The following GRIP1 variants were observed in gnomAD, a reference collection of about 807,000 sequenced individuals.
The protein encoded by GRIP1 is glutamate receptor interacting protein 1.
Under a neutral mutation model 129.9 loss-of-function variants are expected in GRIP1, and 45 were observed. That is an observed-to-expected ratio of 0.35 (90% CI 0.27 to 0.44). The LOEUF (loss-of-function observed/expected upper bound fraction) is 0.44. Ranked by LOEUF, GRIP1 falls within the 20% of genes least tolerant of loss-of-function variation. The pLI is 1.00. For missense variants in GRIP1, 1,196 were observed against 1,396.8 expected, an observed-to-expected ratio of 0.86 and a Z score of 2.29; for synonymous variants, 530 against 520.8, an observed-to-expected ratio of 1.02 and a Z score of -0.24.
intron 1 of GRIP1, among the ~76,000 whole-genome samples, chr12:66,719,484 G>A (rs1426221262): frequency 6.6e-6 from 1 of 152,090 alleles, no homozygotes; most frequent in Non-Finnish European, 1.5e-5. Flanking sequence ...TGACTAATAG[G>A]AACTTATTGT....
At chr12:67,069,235 G>C (rs1371299341), upstream of GRIP1, 1 of 373,380 alleles carries the variant, frequency 2.7e-6, no homozygotes. Context: ...GGGCTGGGGC[G>C]CCGAGGCGGC....
chr12:67,026,354 T>G (rs1000100075), intron 1 of GRIP1, among the ~76,000 whole-genome samples: 1 of 151,202 alleles, frequency 6.6e-6, no homozygotes, highest in African/African-American at 2.5e-5. Flanking sequence ...TTGGGAAAAT[T>G]TTTTCTCAAG....
rs767111709 is a variant in GRIP1 at position 66,860,964 on chromosome 12, T to C, written c.58+208086A>G. On this transcript the variant is annotated intron_variant, in intron 1 of 1. Transcript: ENST00000643019. The stretch of plus-strand genomic sequence containing the variant: ...AAGGCCATTACACTATGCTCAACCA[T>C]GTCCCTTCCTCAACACACAAAAAAG... Among the ~76,000 whole-genome samples the C allele has an allele frequency of 5.3e-5, 8 of 152,184 alleles. No individual in the cohort carries two copies. In the East Asian group the frequency reaches 7.8e-4, roughly 15 times the overall value.
intron 1 of GRIP1, among the ~76,000 whole-genome samples, chr12:66,729,614 C>A (rs899116840): frequency 6.6e-6 from 1 of 152,072 alleles, no homozygotes; most frequent in African/African-American, 2.4e-5. Flanking sequence ...TGCTCTGTTG[C>A]CCAGGCTGGA....
Position 66,348,960 on chromosome 12 carries a change from T to TA in GRIP1, c.*58dup. On this transcript the variant is annotated 3_prime_UTR_variant, in exon 25 of 25. Transcript: ENST00000359742. ...TGTGCTTCAAAGGTCACAGAAATCTTAAAGGATTTTTAGCACCATGTAGAT... is the reference window on the plus strand; with the variant it reads ...TGTGCTTCAAAGGTCACAGAAATCTTAAAAGGATTTTTAGCACCATGTAGAT... 8.2e-7 allele frequency: 1 copy of TA among 1,213,280 alleles called. No homozygotes were observed. Among genetic ancestry groups the TA allele is most frequent in the Non-Finnish European group, 1.2e-6 (1 of 813,646 alleles). 75.2% of individuals were successfully genotyped at this position (1,213,280 alleles called of 1,614,324 possible).
intron 7 of GRIP1, among the ~76,000 whole-genome samples, chr12:66,480,128 T>G (rs1427151446): frequency 2.6e-5 from 4 of 152,124 alleles, no homozygotes; most frequent in African/African-American, 9.7e-5. Context: ...GAAGTCAAAT[T>G]GTGTCTGTTT....
chr12:66,513,031 T>C (rs955269371), intron 7 of GRIP1, among the ~76,000 whole-genome samples: 7 of 152,150 alleles, frequency 4.6e-5, no homozygotes, highest in African/African-American at 1.4e-4. Context: ...TTGGGTGTAA[T>C]ATGAAGTAGG....
chr12:66,531,680 CAG>C (rs2061467526), intron 4 of GRIP1, among the ~76,000 whole-genome samples: 1 of 152,016 alleles, frequency 6.6e-6, no homozygotes, highest in South Asian at 2.1e-4. Flanking sequence ...TACTCACAAA[CAG>C]ATGAAAGTGT....
intron 1 of GRIP1, among the ~76,000 whole-genome samples, chr12:66,979,647 T>C (rs914526520): frequency 6.6e-6 from 1 of 152,214 alleles, no homozygotes; most frequent in Non-Finnish European, 1.5e-5. Flanking sequence ...ATGATGTGAA[T>C]GTGACTTTAT....
At chr12:66,488,146 A>G (rs1401553509) in intron 7 of GRIP1, among the ~76,000 whole-genome samples, 1 of 152,222 alleles carries the variant, frequency 6.6e-6, no homozygotes, top group African/African-American at 2.4e-5. Flanking sequence ...ATATCTACAG[A>G]ACTCTTCACA....
chr12:67,020,329 AC>A (rs1176535473), intron 1 of GRIP1, among the ~76,000 whole-genome samples: 2 of 152,320 alleles, frequency 1.3e-5, no homozygotes, highest in African/African-American at 4.8e-5. Flanking sequence ...ATGTCTAAAA[AC>A]ATTTAAATGT....
intron 1 of GRIP1, among the ~76,000 whole-genome samples, chr12:67,062,269 G>C (rs2043549047): frequency 6.6e-6 from 1 of 152,106 alleles, no homozygotes; most frequent in Non-Finnish European, 1.5e-5. Context: ...CTCCCATCCA[G>C]CTCCATTCCT....
intron 7 of GRIP1, among the ~76,000 whole-genome samples, chr12:66,468,630 A>G (rs9989032): frequency 0.64 from 96,898 of 151,720 alleles, 31,383 homozygotes; most frequent in Middle Eastern, 0.78. Flanking sequence ...AGTTTTTAAA[A>G]AGGTCATCAG....
At chr12:66,400,936 T>A (rs1410171026) in intron 16 of GRIP1, among the ~76,000 whole-genome samples, 2 of 4,598 alleles carry the variant, frequency 4.3e-4, no homozygotes, top group East Asian at 0.17. Flanking sequence ...AACAATAGAT[T>A]TTTTTCAAGA....
intron 7 of GRIP1, among the ~76,000 whole-genome samples, chr12:66,479,159 G>A (rs2059722431): frequency 6.6e-6 from 1 of 150,418 alleles, no homozygotes; most frequent in South Asian, 2.1e-4. Context: ...TAACAAAATA[G>A]ATAGACCACT....
intron 1 of GRIP1, among the ~76,000 whole-genome samples, chr12:66,828,402 C>A (rs1034455025): frequency 1.3e-5 from 2 of 152,150 alleles, no homozygotes; most frequent in Non-Finnish European, 2.9e-5. Flanking sequence ...TACCCTACTG[C>A]CATACAGTAC....
intron 2 of GRIP1, among the ~76,000 whole-genome samples, chr12:66,592,658 C>T (rs1261950447): frequency 1.3e-5 from 2 of 152,164 alleles, no homozygotes; most frequent in Non-Finnish European, 2.9e-5. Context: ...TATACTAACT[C>T]TAGGCTTTGA....
chr12:66,779,597 A>G (rs145278511), intron 1 of GRIP1, among the ~76,000 whole-genome samples: 1 of 152,368 alleles, frequency 6.6e-6, no homozygotes, highest in Non-Finnish European at 1.5e-5. Flanking sequence ...TCATAATGAT[A>G]GTTATCATAC....
intron 1 of GRIP1, among the ~76,000 whole-genome samples, chr12:67,036,608 G>A (rs530197758): frequency 6.6e-6 from 1 of 152,208 alleles, no homozygotes. Flanking sequence ...TGGGATTACA[G>A]GCGTGAGCCA....
Sources: gnomAD v4.1 joint callset for allele counts (sites outside exome capture counted in the v4.1 genomes callset) on GRCh38, gnomAD v4.1.1 for gene constraint, MANE v1.5 for transcripts, NCBI Gene and HGNC (gene_info 2026-07-23, HGNC 2026-07-21) for gene names.